The following SLC30A4 variants were observed in gnomAD, a reference collection of about 807,000 sequenced individuals.
SLC30A4 encodes the protein solute carrier family 30 member 4.
A neutral mutation model predicts 41.7 loss-of-function variants in SLC30A4; 20 were observed. The observed-to-expected ratio is 0.48, with a 90% CI of 0.34 to 0.70. SLC30A4 has a LOEUF of 0.70. SLC30A4 is among the 30% of genes least tolerant of loss of function. The probability of loss-of-function intolerance (pLI) is 0.01; values close to 1 mark genes in which losing one functional copy is unlikely to be tolerated. For synonymous variants in SLC30A4, 181 were observed against 195.9 expected, an observed-to-expected ratio of 0.92 and a Z score of 0.64; for missense variants, 441 against 529.3, an observed-to-expected ratio of 0.83 and a Z score of 1.64.
At chr15:45,503,754 C>T (rs1892092704) in intron 3 of SLC30A4, among the ~76,000 whole-genome samples, 1 of 151,956 alleles carries the variant, frequency 6.6e-6, no homozygotes, top group African/African-American at 2.4e-5. Context: ...CAAGACCAGC[C>T]CGACCAACAT....
chr15:45,485,160 A>C lies in SLC30A4; in HGVS notation c.*3T>G, dbSNP rs1891671713. The C allele has an allele frequency of 3.1e-6, 5 of 1,608,728 alleles. No individual in the cohort carries two copies. Among genetic ancestry groups the C allele is most frequent in the Non-Finnish European group, 4.2e-6 (5 of 1,178,306 alleles). On this transcript the variant is annotated 3_prime_UTR_variant, in exon 8 of 8. Transcript: ENST00000261867. ...AAGGCAGGAGTTCCCAAAATACATA[A>C]AATTAGGGACTAGAACTCTGACAAT...
Position 45,499,308 on chromosome 15 carries a change from G to A in SLC30A4, c.539-8427C>T, listed in dbSNP as rs574380660. ...AGGATGGTCTCAATCTCCTGACCTCGTGATCTGCCCGCCTTGGCCTCTCAG... is the reference window on the plus strand; with the variant it reads ...AGGATGGTCTCAATCTCCTGACCTCATGATCTGCCCGCCTTGGCCTCTCAG... On this transcript the variant is annotated intron_variant, in intron 3 of 7. Transcript: ENST00000261867. Among the ~76,000 whole-genome samples the A allele has an allele frequency of 9.9e-5, 15 of 152,112 alleles. No homozygotes were observed. In the South Asian group the frequency reaches 2.5e-3, roughly 25 times the overall value.
intron 2 of SLC30A4, among the ~76,000 whole-genome samples, chr15:45,520,149 G>A (rs1647076824): frequency 6.6e-6 from 1 of 152,084 alleles, no homozygotes; most frequent in Admixed American, 6.6e-5. Flanking sequence ...AGATGCTGAG[G>A]ACTTTGAAAG....
intron 2 of SLC30A4, among the ~76,000 whole-genome samples, chr15:45,513,220 T>TTA (rs1892352516): frequency 6.7e-6 from 1 of 149,684 alleles, no homozygotes. Flanking sequence ...TTTTTTTTTT[T>TTA]AGAGAGTCAG....
intron 2 of SLC30A4, chr15:45,513,775 A>G (rs1372426003): frequency 6.6e-6 from 1 of 152,194 alleles, no homozygotes; most frequent in African/African-American, 2.4e-5. Context: ...AGGATACAAA[A>G]TGAGTTTGGA....
intron 3 of SLC30A4, among the ~76,000 whole-genome samples, chr15:45,501,787 G>T (rs2140831464): frequency 6.6e-6 from 1 of 152,220 alleles, no homozygotes; most frequent in East Asian, 1.9e-4. Flanking sequence ...TTATAGGAGT[G>T]AGCCACCACA....
At chr15:45,508,599 T>C (rs907907496) in intron 3 of SLC30A4, among the ~76,000 whole-genome samples, 1 of 152,196 alleles carries the variant, frequency 6.6e-6, no homozygotes. Context: ...CAAAAATTTC[T>C]GGAAATGTGT....
intron 3 of SLC30A4, among the ~76,000 whole-genome samples, chr15:45,506,481 C>T (rs1264011119): frequency 2.0e-5 from 3 of 152,138 alleles, no homozygotes; most frequent in African/African-American, 7.2e-5. Context: ...ATATATCTCT[C>T]CCCATAGAAC....
chr15:45,490,965 T>A, intron 3 of SLC30A4, 84 bp from the exon 4 acceptor site: 1 of 910,206 alleles, frequency 1.1e-6, no homozygotes, highest in African/African-American at 1.7e-5. Context: ...TAGTCTTTTT[T>A]ATATTCTTTC....
chr15:45,512,494 G>A (rs1054426439), intron 2 of SLC30A4: 1 of 152,266 alleles, frequency 6.6e-6, no homozygotes, highest in African/African-American at 2.4e-5. Context: ...TGAGCTGGGT[G>A]TGTAGAGACA....
chr15:45,522,512 T>C, intron 1 of SLC30A4, 44 bp from the exon 2 acceptor site: 3 of 633,686 alleles, frequency 4.7e-6, no homozygotes, highest in Non-Finnish European at 7.5e-6. Flanking sequence ...CGCCCAACCC[T>C]GTCCTCAAGT....
intron 2 of SLC30A4, among the ~76,000 whole-genome samples, chr15:45,515,287 C>T (rs1892434169): frequency 6.6e-6 from 1 of 152,038 alleles, no homozygotes; most frequent in Admixed American, 6.6e-5. Flanking sequence ...CTCAGCCTCC[C>T]AAAGTGCTGT....
intron 2 of SLC30A4, among the ~76,000 whole-genome samples, chr15:45,518,381 G>A (rs1892558010): frequency 6.6e-6 from 1 of 152,030 alleles, no homozygotes. Flanking sequence ...CACATAGTAG[G>A]GATCATAATA....
intron 3 of SLC30A4, among the ~76,000 whole-genome samples, chr15:45,508,194 A>T (rs1424850059): frequency 1.3e-5 from 2 of 152,136 alleles, no homozygotes; most frequent in South Asian, 2.1e-4. Flanking sequence ...GAGTAGGTGG[A>T]GAATCAGGAT....
At chr15:45,487,822 G>A (rs558184683) in intron 5 of SLC30A4, among the ~76,000 whole-genome samples, 190 bp from the exon 6 acceptor site, 3 of 152,210 alleles carry the variant, frequency 2.0e-5, no homozygotes, top group African/African-American at 7.2e-5. Flanking sequence ...CTTGCCTCAT[G>A]GGACCTATTT....
In SLC30A4 at chr15:45,482,467, T is replaced by C. The variant is rs933432675; in HGVS notation, c.*2696A>G. The C allele has an allele frequency of 6.6e-6, 1 of 152,094 alleles. No homozygotes were observed. The highest frequency in any genetic ancestry group is 1.5e-5 in the Non-Finnish European group (1 of 68,022). 9.4% of individuals were successfully genotyped at this position (152,094 alleles called of 1,614,324 possible). On this transcript the variant is annotated 3_prime_UTR_variant, in exon 8 of 8. Coordinates refer to ENST00000261867, the MANE Select transcript of SLC30A4 (RefSeq NM_013309.6). ...TACTCAAATGAATTTTAGCCTGTTTTATCAAATACATTTTTTAAGGAACAG... is the reference window on the plus strand; with the variant it reads ...TACTCAAATGAATTTTAGCCTGTTTCATCAAATACATTTTTTAAGGAACAG...
chr15:45,514,805 G>A (rs147608728), intron 2 of SLC30A4, among the ~76,000 whole-genome samples: 1 of 152,038 alleles, frequency 6.6e-6, no homozygotes, highest in Non-Finnish European at 1.5e-5. Context: ...ATGAGCCACC[G>A]TGCCTGGCCT....
intron 2 of SLC30A4, among the ~76,000 whole-genome samples, chr15:45,516,802 G>A (rs182485523): frequency 2.6e-5 from 4 of 151,858 alleles, no homozygotes; most frequent in African/African-American, 9.6e-5. Context: ...TCCGGGAGGT[G>A]GAGGCTGCTA....
intron 2 of SLC30A4, among the ~76,000 whole-genome samples, chr15:45,512,816 C>T (rs1892339300): frequency 6.6e-6 from 1 of 152,088 alleles, no homozygotes; most frequent in African/African-American, 2.4e-5. Context: ...TCACATGTGG[C>T]TTTTCAGCAT....
Sources: gnomAD v4.1 joint callset for allele counts (sites outside exome capture counted in the v4.1 genomes callset) on GRCh38, gnomAD v4.1.1 for gene constraint, MANE v1.5 for transcripts, NCBI Gene and HGNC (gene_info 2026-07-23, HGNC 2026-07-21) for gene names.